NTM: variants seen among roughly 807,000 people sequenced by gnomAD.
NTM encodes neurotrimin.
NTM carries 13 observed loss-of-function variants against 42.1 expected under a neutral mutation model. The observed-to-expected ratio is 0.31, with a 90% confidence interval of 0.20 to 0.49. The LOEUF (loss-of-function observed/expected upper bound fraction) is 0.49, where lower values mean the gene tolerates loss of function less well. Ranked by LOEUF, NTM falls within the 20% of genes least tolerant of loss-of-function variation. The pLI is 0.99. For missense variants in NTM, 373 were observed against 452.8 expected, an observed-to-expected ratio of 0.82 and a Z score of 1.60; for synonymous variants, 187 against 179.2, an observed-to-expected ratio of 1.04 and a Z score of -0.35.
rs2091347911 is a variant in NTM, at chr11:131,794,676, T to C, written c.83-116888T>C. 4 of 985,246 alleles carry C rather than the reference T, an allele frequency of 4.1e-6. No individual in the cohort carries two copies. The Admixed American group carries it at 2.5e-4, about 61-fold the overall frequency. The allele number at this position is 985,246 out of a possible 1,614,324, so 61.0% of individuals were successfully genotyped here. A position where few individuals can be genotyped will look rare whatever the true frequency, so the allele number is the denominator to read the frequency against. ...TGCATATACGGGCAAAACTGCACCT[T>C]TTAGAAGTCATTTTTAAGACACAGT... On this transcript the variant is annotated intron_variant, in intron 1 of 8. Transcript: ENST00000683400.
intron 2 of NTM, among the ~76,000 whole-genome samples, chr11:132,104,511 G>T (rs2062023509): frequency 6.6e-6 from 1 of 151,732 alleles, no homozygotes. Flanking sequence ...CAGCACTTTG[G>T]GAGGCCAAGG....
At chr11:132,166,877 G>C (rs2075360251) in intron 3 of NTM, among the ~76,000 whole-genome samples, 3 of 152,158 alleles carry the variant, frequency 2.0e-5, no homozygotes, top group Admixed American at 6.5e-5. Context: ...CACTTCACTA[G>C]CAAGAGATGT....
At chr11:131,657,581 C>T (rs1434751282) in intron 1 of NTM, among the ~76,000 whole-genome samples, 1 of 152,194 alleles carries the variant, frequency 6.6e-6, no homozygotes, top group Non-Finnish European at 1.5e-5. Flanking sequence ...CCATGCCTAC[C>T]TCTGTCTTGT....
intron 2 of NTM, among the ~76,000 whole-genome samples, chr11:132,114,043 T>C (rs2063564646): frequency 6.6e-6 from 1 of 152,210 alleles, no homozygotes. Context: ...GTTGAACTTA[T>C]TTCATCATCA....
chr11:132,230,608 C>A (rs2087330549), intron 4 of NTM, among the ~76,000 whole-genome samples: 1 of 152,250 alleles, frequency 6.6e-6, no homozygotes, highest in Non-Finnish European at 1.5e-5. Context: ...ACTTTGCCCA[C>A]CCTCTCTGAG....
At chr11:132,160,995 G>A (rs2074148119) in intron 3 of NTM, among the ~76,000 whole-genome samples, 1 of 152,176 alleles carries the variant, frequency 6.6e-6, no homozygotes, top group African/African-American at 2.4e-5. Context: ...GCCAAGTTAG[G>A]GGAGAGCAGA....
intron 1 of NTM, among the ~76,000 whole-genome samples, chr11:131,850,833 G>A (rs1451801984): frequency 6.6e-6 from 1 of 152,198 alleles, no homozygotes; most frequent in Non-Finnish European, 1.5e-5. Flanking sequence ...CTGAGGCGAG[G>A]GCACTGACCC....
chr11:132,065,428 A>G (rs900721659), intron 2 of NTM, among the ~76,000 whole-genome samples: 1 of 152,082 alleles, frequency 6.6e-6, no homozygotes. Context: ...TCCTCATCTC[A>G]TTACTAGAAT....
intron 4 of NTM, among the ~76,000 whole-genome samples, chr11:132,216,908 A>G (rs1237265131): frequency 6.6e-6 from 1 of 152,216 alleles, no homozygotes; most frequent in Non-Finnish European, 1.5e-5. Flanking sequence ...AAGATCTCCA[A>G]GCCTTTCCTG....
intron 1 of NTM, among the ~76,000 whole-genome samples, chr11:131,731,123 G>A (rs373787757): frequency 6.6e-6 from 1 of 152,020 alleles, no homozygotes; most frequent in African/African-American, 2.4e-5. Context: ...TCTGACTGTT[G>A]GTTCTAACAT....
chr11:132,317,089 G>A lies in NTM; in HGVS notation c.934+2386G>A, dbSNP rs1182024342. Among the ~76,000 whole-genome samples, 10 of 152,062 alleles carry A rather than the reference G, an allele frequency of 6.6e-5. 1 individual carries two copies. Among genetic ancestry groups the A allele is most frequent in the Admixed American group, 2.0e-4 (3 of 15,268 alleles). ...TCTGGTGCAAGAGACCATAGTCGGC[G>A]GTCTGGGAATACTTAAGCCAAACGG... is the stretch of plus-strand genomic sequence containing the variant. On this transcript the variant is annotated intron_variant, in intron 7 of 8. Coordinates refer to ENST00000683400, the MANE Select transcript of NTM (RefSeq NM_001352005.2).
intron 1 of NTM, among the ~76,000 whole-genome samples, chr11:131,816,872 C>T (rs1176576391): frequency 2.0e-5 from 3 of 152,110 alleles, no homozygotes; most frequent in East Asian, 1.9e-4. Flanking sequence ...ACTCAACGCA[C>T]GTTAATTAAA....
intron 2 of NTM, among the ~76,000 whole-genome samples, chr11:131,965,246 G>A (rs564536283): frequency 2.0e-5 from 3 of 152,288 alleles, no homozygotes; most frequent in African/African-American, 7.2e-5. Flanking sequence ...GCACAGGCCA[G>A]GAAAGGAGCT....
intron 2 of NTM, among the ~76,000 whole-genome samples, chr11:132,082,330 T>TC (rs1008054567): frequency 1.2e-4 from 18 of 152,184 alleles, no homozygotes; most frequent in African/African-American, 4.3e-4. Flanking sequence ...CATTCAGGTT[T>TC]CCCCCTCACA....
chr11:132,296,996 A>T (rs568029947), intron 4 of NTM, among the ~76,000 whole-genome samples: 19 of 152,328 alleles, frequency 1.2e-4, no homozygotes, highest in African/African-American at 4.3e-4. Context: ...TGTTACAAAT[A>T]CAAGGGCTTT....
chr11:132,012,662 C>T (rs1164671685), intron 2 of NTM, among the ~76,000 whole-genome samples: 1 of 152,128 alleles, frequency 6.6e-6, no homozygotes, highest in Non-Finnish European at 1.5e-5. Flanking sequence ...TTCTTAATTC[C>T]TCTTCTCTTG....
chr11:131,795,793 G>T (rs1284756611), intron 1 of NTM: 2 of 985,406 alleles, frequency 2.0e-6, no homozygotes, highest in South Asian at 4.7e-5. Flanking sequence ...GGGTTGGGGG[G>T]TGGTGGGAGC....
chr11:131,457,980 A>G (rs1389508627), intron 1 of NTM, among the ~76,000 whole-genome samples: 1 of 152,166 alleles, frequency 6.6e-6, no homozygotes, highest in Non-Finnish European at 1.5e-5. Context: ...TGAGAAATGC[A>G]TTTCTGTTGT....
chr11:131,426,222 G>A (rs1948122380), intron 1 of NTM, among the ~76,000 whole-genome samples: 1 of 152,198 alleles, frequency 6.6e-6, no homozygotes, highest in Non-Finnish European at 1.5e-5. Flanking sequence ...GTGTCAGGAT[G>A]AAGTCTGGGA....
Sources: allele counts gnomAD v4.1 joint callset (sites outside exome capture counted in the v4.1 genomes callset), GRCh38; gene constraint gnomAD v4.1.1; transcripts MANE v1.5; gene names NCBI Gene and HGNC (gene_info 2026-07-23, HGNC 2026-07-21).